The following ENTREP1 variants were observed in gnomAD, a reference collection of about 807,000 sequenced individuals.
ENTREP1 encodes Friedreich ataxia region gene X123.
chr9:69,364,025 A>G, the ENTREP1 span, among the ~76,000 whole-genome samples: 1 of 152,226 alleles, frequency 6.6e-6, no homozygotes, highest in African/African-American at 2.4e-5. Flanking sequence ...TCCAGCTGCC[A>G]TAAATTCAGA....
chr9:69,390,581 T>G, the ENTREP1 span, among the ~76,000 whole-genome samples: 1 of 152,186 alleles, frequency 6.6e-6, no homozygotes, highest in African/African-American at 2.4e-5. Flanking sequence ...TTGGCCTAAT[T>G]TTTATATTGT....
At chr9:69,345,940 G>T in the ENTREP1 span, among the ~76,000 whole-genome samples, 1 of 151,436 alleles carries the variant, frequency 6.6e-6, no homozygotes, top group Non-Finnish European at 1.5e-5. Context: ...TTAGACCTCT[G>T]CATTTATCCC....
chr9:69,325,417 GCCGCTGCCC>G, the ENTREP1 span: 1 of 1,034,246 alleles, frequency 9.7e-7, no homozygotes, highest in Non-Finnish European at 1.2e-6. Context: ...CTCAGGAGCC[GCCGCTGCCC>G]CCGCTGCGGC....
chr9:69,335,959 G>A, the ENTREP1 span, among the ~76,000 whole-genome samples: 1 of 109,000 alleles, frequency 9.2e-6, no homozygotes, highest in African/African-American at 3.5e-5. Flanking sequence ...ACTGCAGCCT[G>A]GGTGGCAGAG....
chr9:69,376,854 C>G, the ENTREP1 span, among the ~76,000 whole-genome samples: 2 of 152,194 alleles, frequency 1.3e-5, no homozygotes, highest in East Asian at 3.9e-4. Flanking sequence ...GAGAGAAGTC[C>G]TATTTACACT....
At chr9:69,383,389 C>T in the ENTREP1 span, 1 of 1,300,760 alleles carries the variant, frequency 7.7e-7, no homozygotes, top group African/African-American at 1.5e-5. Context: ...TGCTTTTTGA[C>T]TGATGGGTTT....
At chr9:69,353,604 A>C in the ENTREP1 span, among the ~76,000 whole-genome samples, 1 of 152,224 alleles carries the variant, frequency 6.6e-6, no homozygotes, top group Non-Finnish European at 1.5e-5. Flanking sequence ...TCTAATATTC[A>C]GCCTATGTTT....
chr9:69,383,336 C>A, the ENTREP1 span: 1 of 1,092,544 alleles, frequency 9.2e-7, no homozygotes, highest in Non-Finnish European at 1.1e-6. Flanking sequence ...TCTCCCCCAT[C>A]CCCTGGCAGC....
At chr9:69,377,572 A>G in the ENTREP1 span, 1 of 1,612,764 alleles carries the variant, frequency 6.2e-7, no homozygotes, top group East Asian at 2.2e-5. Context: ...GTGCCTTTGT[A>G]ATGAAGGCTG....
chr9:69,361,679 T>C, the ENTREP1 span, among the ~76,000 whole-genome samples: 4 of 152,364 alleles, frequency 2.6e-5, no homozygotes, highest in African/African-American at 7.2e-5. Flanking sequence ...TCATTTTCCA[T>C]TGTGGTTGTA....
the ENTREP1 span, chr9:69,387,298 C>G: frequency 3.3e-5 from 5 of 152,562 alleles, no homozygotes; most frequent in African/African-American, 1.2e-4. Context: ...CTTCTTCCAC[C>G]TGCTCTCTCG....
chr9:69,349,421 C>A, the ENTREP1 span, among the ~76,000 whole-genome samples: 16 of 152,148 alleles, frequency 1.1e-4, no homozygotes, highest in South Asian at 2.1e-4. Context: ...TCTAGTTTCT[C>A]CACGGTTTTG....
chr9:69,372,950 A>T, the ENTREP1 span, among the ~76,000 whole-genome samples: 1 of 151,780 alleles, frequency 6.6e-6, no homozygotes, highest in Non-Finnish European at 1.5e-5. Flanking sequence ...TAGTCTCTTC[A>T]TATGCCTGCT....
chr9:69,358,693 T>C, the ENTREP1 span, among the ~76,000 whole-genome samples: 1 of 152,266 alleles, frequency 6.6e-6, no homozygotes, highest in African/African-American at 2.4e-5. Flanking sequence ...AGAAGTTTCT[T>C]CTCATGAGGA....
At chr9:69,357,897 A>C in the ENTREP1 span, among the ~76,000 whole-genome samples, 1 of 152,154 alleles carries the variant, frequency 6.6e-6, no homozygotes, top group Non-Finnish European at 1.5e-5. Flanking sequence ...CTAGATCTTT[A>C]TATTGAAATG....
chr9:69,336,298 CT>C, the ENTREP1 span: 1 of 1,448,792 alleles, frequency 6.9e-7, no homozygotes, highest in Non-Finnish European at 9.6e-7. Flanking sequence ...AATTGCTACC[CT>C]TTATAAAATG....
At chr9:69,381,722 G>C in the ENTREP1 span, 1 of 152,182 alleles carries the variant, frequency 6.6e-6, no homozygotes, top group Admixed American at 6.5e-5. Flanking sequence ...ACAGACCCTT[G>C]TTAACACAAA....
At chr9:69,340,580 A>G in the ENTREP1 span, among the ~76,000 whole-genome samples, 1 of 120,284 alleles carries the variant, frequency 8.3e-6, no homozygotes, top group African/African-American at 2.9e-5. Context: ...AGAATAAGCT[A>G]GGAAGTATGT....
At chr9:69,327,010 G>GAAAAAAAAAAAAA in the ENTREP1 span, among the ~76,000 whole-genome samples, 1 of 139,432 alleles carries the variant, frequency 7.2e-6, no homozygotes, top group Non-Finnish European at 1.6e-5. Flanking sequence ...AGACCAAATT[G>GAAAAAAAAAAAAA]AAAAAAAAAA....
Sources: gnomAD v4.1 joint callset for allele counts (sites outside exome capture counted in the v4.1 genomes callset) on GRCh38, gnomAD v4.1.1 for gene constraint, MANE v1.5 for transcripts, NCBI Gene and HGNC (gene_info 2026-07-23, HGNC 2026-07-21) for gene names.